The following ENTREP2 variants were observed in gnomAD, a reference collection of about 807,000 sequenced individuals.
The protein encoded by ENTREP2 is endosomal transmembrane epsin interactor 2.
At chr15:29,320,709 A>G in the ENTREP2 span, among the ~76,000 whole-genome samples, 5 of 152,222 alleles carry the variant, frequency 3.3e-5, no homozygotes, top group Non-Finnish European at 7.3e-5. Context: ...AAAATGCTAG[A>G]AATCAAAAAC....
the ENTREP2 span, among the ~76,000 whole-genome samples, chr15:29,418,083 A>G: frequency 1.3e-5 from 2 of 152,202 alleles, no homozygotes; most frequent in African/African-American, 4.8e-5. Context: ...AAGACCCACT[A>G]TCATGGAGTC....
the ENTREP2 span, among the ~76,000 whole-genome samples, chr15:29,202,006 G>C: frequency 6.6e-6 from 1 of 152,060 alleles, no homozygotes; most frequent in Non-Finnish European, 1.5e-5. Context: ...GTGTTAGTTC[G>C]TGTTTTCCAA....
the ENTREP2 span, among the ~76,000 whole-genome samples, chr15:29,348,459 C>T: frequency 3.3e-5 from 5 of 152,000 alleles, no homozygotes; most frequent in African/African-American, 1.2e-4. Context: ...AGTGTGGAGG[C>T]GTGTGGCTGG....
chr15:29,643,795 AAAAG>A, the ENTREP2 span, among the ~76,000 whole-genome samples: 11 of 148,148 alleles, frequency 7.4e-5, no homozygotes, highest in South Asian at 2.1e-4. Flanking sequence ...AAAAAAAAAA[AAAAG>A]AAAGAAAGAA....
the ENTREP2 span, among the ~76,000 whole-genome samples, chr15:29,458,817 T>C: frequency 2.0e-5 from 3 of 152,254 alleles, no homozygotes; most frequent in Admixed American, 6.5e-5. Flanking sequence ...CCTCTGACTC[T>C]TCAGGAAACC....
chr15:29,548,326 G>A, the ENTREP2 span, among the ~76,000 whole-genome samples: 5 of 151,978 alleles, frequency 3.3e-5, no homozygotes, highest in African/African-American at 9.6e-5. Context: ...GCATTGTGGT[G>A]CATGCCTGTA....
At chr15:29,172,703 C>T in the ENTREP2 span, among the ~76,000 whole-genome samples, 1 of 152,132 alleles carries the variant, frequency 6.6e-6, no homozygotes, top group Non-Finnish European at 1.5e-5. Context: ...GAGCCAACAT[C>T]TCTGCCTCAT....
At chr15:29,395,978 T>C in the ENTREP2 span, among the ~76,000 whole-genome samples, 1 of 152,190 alleles carries the variant, frequency 6.6e-6, no homozygotes, top group Non-Finnish European at 1.5e-5. Flanking sequence ...CCCAGCTTTA[T>C]TGAGGTATGA....
the ENTREP2 span, among the ~76,000 whole-genome samples, chr15:29,580,507 T>G: frequency 6.6e-6 from 1 of 152,218 alleles, no homozygotes; most frequent in Non-Finnish European, 1.5e-5. Context: ...AGGTCTAGCT[T>G]TCCCTGGCCT....
the ENTREP2 span, among the ~76,000 whole-genome samples, chr15:29,599,519 G>T: frequency 1.3e-5 from 2 of 152,210 alleles, no homozygotes; most frequent in Admixed American, 6.5e-5. Context: ...TAGGCATCAG[G>T]TTCCTGGGTC....
At chr15:29,652,029 T>A in the ENTREP2 span, among the ~76,000 whole-genome samples, 1 of 152,140 alleles carries the variant, frequency 6.6e-6, no homozygotes. Flanking sequence ...GGCCCGCCCA[T>A]GGCTGTCCAT....
chr15:29,249,831 G>A, the ENTREP2 span, among the ~76,000 whole-genome samples: 1 of 152,072 alleles, frequency 6.6e-6, no homozygotes, highest in African/African-American at 2.4e-5. Context: ...TTCTGGGGAG[G>A]CTTCAGGAAA....
chr15:29,570,618 C>G, the ENTREP2 span: 2 of 1,444,266 alleles, frequency 1.4e-6, no homozygotes, highest in Non-Finnish European at 1.8e-6. Context: ...TGCGTGGCCC[C>G]GAGCGCCAGC....
chr15:29,225,207 C>T, the ENTREP2 span, among the ~76,000 whole-genome samples: 8 of 152,356 alleles, frequency 5.3e-5, no homozygotes, highest in Admixed American at 1.3e-4. Flanking sequence ...AGTGCAGCAG[C>T]GGGCTGAAGG....
chr15:29,405,611 T>G, the ENTREP2 span, among the ~76,000 whole-genome samples: 1 of 152,156 alleles, frequency 6.6e-6, no homozygotes, highest in Non-Finnish European at 1.5e-5. Context: ...AGCAAACAGC[T>G]ACAGGACCAC....
the ENTREP2 span, among the ~76,000 whole-genome samples, chr15:29,331,863 TCA>T: frequency 1.3e-5 from 2 of 152,122 alleles, no homozygotes; most frequent in Non-Finnish European, 2.9e-5. Context: ...TCCACACCCA[TCA>T]CACCTGCAGC....
the ENTREP2 span, among the ~76,000 whole-genome samples, chr15:29,420,258 C>T: frequency 6.6e-6 from 1 of 152,114 alleles, no homozygotes; most frequent in African/African-American, 2.4e-5. Flanking sequence ...CACATGCAAG[C>T]TTTCTTAAAA....
At chr15:29,469,604 G>A in the ENTREP2 span, among the ~76,000 whole-genome samples, 2 of 152,148 alleles carry the variant, frequency 1.3e-5, no homozygotes, top group African/African-American at 4.8e-5. Flanking sequence ...GGTGTTGAAT[G>A]ACTACAGAGT....
chr15:29,314,698 A>T, the ENTREP2 span, among the ~76,000 whole-genome samples: 2 of 152,162 alleles, frequency 1.3e-5, no homozygotes, highest in African/African-American at 2.4e-5. Context: ...AATATCTCTG[A>T]ATTATGTCTG....
Sources: gnomAD v4.1 joint callset for allele counts (sites outside exome capture counted in the v4.1 genomes callset) on GRCh38, gnomAD v4.1.1 for gene constraint, MANE v1.5 for transcripts, NCBI Gene and HGNC (gene_info 2026-07-23, HGNC 2026-07-21) for gene names.